Variants in ROR1 observed in about 807,000 individuals in gnomAD.
The protein encoded by ROR1 is inactive tyrosine-protein kinase transmembrane receptor ROR1.
Under a neutral mutation model 78.8 loss-of-function variants are expected in ROR1, and 19 were observed. The ratio of observed to expected loss-of-function variants is 0.24; its 90% CI spans 0.17 to 0.35. The LOEUF is 0.35. ROR1 is among the 10% of genes least tolerant of loss of function. The probability of loss-of-function intolerance (pLI) is 1.00; values close to 1 mark genes in which losing one functional copy is unlikely to be tolerated. For missense variants in ROR1, 917 were observed against 1,177.8 expected, an observed-to-expected ratio of 0.78 and a Z score of 3.24; for synonymous variants, 386 against 433.6, an observed-to-expected ratio of 0.89 and a Z score of 1.36.
chr1:64,133,592 A>T (rs1012061086), intron 4 of ROR1, among the ~76,000 whole-genome samples: 1 of 152,250 alleles, frequency 6.6e-6, no homozygotes, highest in African/African-American at 2.4e-5. Flanking sequence ...AATTACCTTT[A>T]TGAGAAACAT....
chr1:64,013,891 A>C (rs1473040907), intron 2 of ROR1, among the ~76,000 whole-genome samples: 1 of 152,252 alleles, frequency 6.6e-6, no homozygotes, highest in Non-Finnish European at 1.5e-5. Flanking sequence ...CATGGCATTA[A>C]ATTATTTGGG....
chr1:63,949,122 A>G (rs1645913480), intron 1 of ROR1, among the ~76,000 whole-genome samples: 1 of 152,184 alleles, frequency 6.6e-6, no homozygotes, highest in Non-Finnish European at 1.5e-5. Flanking sequence ...CCGCTCAGGC[A>G]TCTGAACCAT....
chr1:63,847,329 G>T (rs889264959), intron 1 of ROR1, among the ~76,000 whole-genome samples: 2 of 152,144 alleles, frequency 1.3e-5, no homozygotes, highest in African/African-American at 4.8e-5. Flanking sequence ...CATCCTTCAC[G>T]GTCTACTTCT....
intron 8 of ROR1, among the ~76,000 whole-genome samples, chr1:64,164,959 A>G (rs578047921): frequency 4.1e-4 from 62 of 152,288 alleles, no homozygotes; most frequent in African/African-American, 1.4e-3. Flanking sequence ...ATAGTATTCC[A>G]TGGAGTATAT....
At chr1:64,140,572 G>A (rs1245157355) in intron 6 of ROR1, 146 bp downstream of exon 6, 2 of 684,118 alleles carry the variant, frequency 2.9e-6, no homozygotes, top group Non-Finnish European at 4.9e-6. Flanking sequence ...TGAGCATTCA[G>A]TGGTGGATTA....
intron 1 of ROR1, among the ~76,000 whole-genome samples, chr1:63,915,044 T>C (rs1015062371): frequency 2.0e-5 from 3 of 152,198 alleles, no homozygotes; most frequent in Non-Finnish European, 4.4e-5. Context: ...TCGTGCTTGG[T>C]ATTTTCTCAT....
chr1:64,084,687 G>A (rs1647136248), intron 4 of ROR1, among the ~76,000 whole-genome samples: 1 of 152,200 alleles, frequency 6.6e-6, no homozygotes, highest in African/African-American at 2.4e-5. Context: ...TTTCTTCAAA[G>A]CTGCCAGTTG....
chr1:63,799,712 T>C (rs956671082), intron 1 of ROR1, among the ~76,000 whole-genome samples: 7 of 152,108 alleles, frequency 4.6e-5, no homozygotes, highest in African/African-American at 9.7e-5. Flanking sequence ...TTTGTCTCTG[T>C]CTCTGGACTG....
At chr1:64,050,415 T>C (rs184264806) in intron 3 of ROR1, among the ~76,000 whole-genome samples, 25 of 152,274 alleles carry the variant, frequency 1.6e-4, no homozygotes, top group East Asian at 1.4e-3. Flanking sequence ...CCTGCATAGT[T>C]TGAAGATGCT....
intron 1 of ROR1, among the ~76,000 whole-genome samples, chr1:63,790,326 G>A (rs1479192474): frequency 6.6e-6 from 1 of 152,148 alleles, no homozygotes; most frequent in Non-Finnish European, 1.5e-5. Context: ...ACCTTGGTGT[G>A]ACTATCTAGG....
intron 1 of ROR1, among the ~76,000 whole-genome samples, chr1:63,999,001 C>A (rs1646361728): frequency 6.6e-6 from 1 of 152,158 alleles, no homozygotes; most frequent in South Asian, 2.1e-4. Flanking sequence ...TAAGAAGTAC[C>A]TTTCGCCTTC....
chr1:63,937,855 T>C (rs1645805941), intron 1 of ROR1, among the ~76,000 whole-genome samples: 1 of 152,210 alleles, frequency 6.6e-6, no homozygotes, highest in South Asian at 2.1e-4. Flanking sequence ...CTTGTTCCAG[T>C]GTTAATATAT....
chr1:63,851,928 A>G (rs765764281), intron 1 of ROR1, among the ~76,000 whole-genome samples: 8 of 152,276 alleles, frequency 5.3e-5, no homozygotes, highest in Non-Finnish European at 8.8e-5. Context: ...CATCTTACCT[A>G]AAAGCAGTGG....
intron 1 of ROR1, among the ~76,000 whole-genome samples, chr1:63,976,804 G>C (rs2100503986): frequency 6.6e-6 from 1 of 152,212 alleles, no homozygotes; most frequent in East Asian, 1.9e-4. Context: ...TGGAATATTT[G>C]CATATATATG....
intron 8 of ROR1, among the ~76,000 whole-genome samples, chr1:64,162,027 A>G (rs1649957975): frequency 6.6e-6 from 1 of 152,290 alleles, no homozygotes; most frequent in African/African-American, 2.4e-5. Context: ...ATAAAATCTA[A>G]AAGGAAAGGA....
chr1:64,083,194 A>C (rs1412526018), intron 4 of ROR1, among the ~76,000 whole-genome samples: 1 of 152,140 alleles, frequency 6.6e-6, no homozygotes, highest in Non-Finnish European at 1.5e-5. Flanking sequence ...AGTTATTGAA[A>C]AAGTAGAAGG....
intron 4 of ROR1, among the ~76,000 whole-genome samples, chr1:64,122,650 G>C (rs937254482): frequency 6.6e-6 from 1 of 152,154 alleles, no homozygotes; most frequent in African/African-American, 2.4e-5. Context: ...TGGAGATGAG[G>C]AACTGGAGAA....
chr1:64,108,906 C>T (rs77280014), intron 4 of ROR1, among the ~76,000 whole-genome samples: 2 of 152,086 alleles, frequency 1.3e-5, no homozygotes, highest in African/African-American at 2.4e-5. Context: ...GTTTAGGACC[C>T]TGTCCTAGTC....
intron 2 of ROR1, among the ~76,000 whole-genome samples, chr1:64,010,182 A>C (rs1646464517): frequency 6.6e-6 from 1 of 152,072 alleles, no homozygotes; most frequent in Admixed American, 6.6e-5. Flanking sequence ...ACCAAGCATA[A>C]AATTTACATT....
Sources: gnomAD v4.1 joint callset for allele counts (sites outside exome capture counted in the v4.1 genomes callset) on GRCh38, gnomAD v4.1.1 for gene constraint, MANE v1.5 for transcripts, NCBI Gene and HGNC (gene_info 2026-07-23, HGNC 2026-07-21) for gene names.